SUGCT: variants seen among roughly 807,000 people sequenced by gnomAD.
The protein encoded by SUGCT is succinyl-CoA:glutarate CoA-transferase.
Under a neutral mutation model 55.0 loss-of-function variants are expected in SUGCT, and 41 were observed. That is an observed-to-expected ratio of 0.74 (90% CI 0.58 to 0.97). The LOEUF (loss-of-function observed/expected upper bound fraction) is 0.97, where lower values mean the gene tolerates loss of function less well. SUGCT is among the 50% of genes least tolerant of loss of function. The pLI, the probability that SUGCT is intolerant of heterozygous loss-of-function variation, is 0.00. For synonymous variants in SUGCT, 187 were observed against 200.4 expected (o/e 0.93, Z 0.56); for missense variants, 568 against 547.8 (o/e 1.04, Z -0.37).
At chr7:40,711,789 C>T (rs899505334) in intron 12 of SUGCT, among the ~76,000 whole-genome samples, 7 of 152,182 alleles carry the variant, frequency 4.6e-5, no homozygotes, top group Admixed American at 2.6e-4. Context: ...TAAAATGTTT[C>T]TGTGTATCTT....
At chr7:40,168,628 A>G (rs1784531667) in intron 1 of SUGCT, among the ~76,000 whole-genome samples, 1 of 152,230 alleles carries the variant, frequency 6.6e-6, no homozygotes, top group African/African-American at 2.4e-5. Context: ...GGTCCAGTAA[A>G]TAATGATTTG....
At chr7:40,238,367 T>C (rs1315166313) in intron 7 of SUGCT, among the ~76,000 whole-genome samples, 3 of 151,870 alleles carry the variant, frequency 2.0e-5, no homozygotes, top group Non-Finnish European at 2.9e-5. Flanking sequence ...ATGGCCAAAA[T>C]GTGGTTGGTT....
rs113333494 is a variant in SUGCT at position 40,350,501 on chromosome 7, T to C, written c.816+33646T>C. ...GCTAATTTTTTTTTTTTTTCTTCTT[T>C]TTTTTTCTTAGTAGAGTCAGGGTTT... On this transcript the variant is annotated intron_variant, in intron 9 of 13. Coordinates refer to ENST00000335693, the MANE Select transcript of SUGCT (RefSeq NM_001193313.2). Among the ~76,000 whole-genome samples the C allele has an allele frequency of 8.3e-3, 1,258 of 151,286 alleles. 16 individuals carry two copies. Among genetic ancestry groups the C allele is most frequent in the African/African-American group, 0.029 (1,196 of 41,248 alleles).
chr7:40,436,146 TTGGCCAGGC>T (rs886211000), intron 9 of SUGCT, among the ~76,000 whole-genome samples: 6 of 152,030 alleles, frequency 3.9e-5, no homozygotes, highest in African/African-American at 1.4e-4. Context: ...TTTCGTCATG[TTGGCCAGGC>T]TGGTCTCAAA....
chr7:40,344,244 T>G (rs2151183760), intron 9 of SUGCT, among the ~76,000 whole-genome samples: 1 of 152,334 alleles, frequency 6.6e-6, no homozygotes, highest in South Asian at 2.1e-4. Context: ...ATTAGTATGT[T>G]TATTTTATCG....
intron 9 of SUGCT, among the ~76,000 whole-genome samples, chr7:40,365,685 A>G (rs984398880): frequency 2.0e-5 from 3 of 151,956 alleles, no homozygotes; most frequent in African/African-American, 4.8e-5. Flanking sequence ...AGAATAAAAT[A>G]CCTAGGAATC....
intron 12 of SUGCT, among the ~76,000 whole-genome samples, chr7:40,498,818 G>C (rs1792124303): frequency 6.6e-6 from 1 of 152,164 alleles, no homozygotes; most frequent in African/African-American, 2.4e-5. Flanking sequence ...CCTTTGTGTA[G>C]TGGATAGAGG....
chr7:40,563,115 C>G (rs1172595756), intron 12 of SUGCT, among the ~76,000 whole-genome samples: 1 of 152,180 alleles, frequency 6.6e-6, no homozygotes, highest in African/African-American at 2.4e-5. Flanking sequence ...GCTCTATGTC[C>G]CGTCCTCCTC....
At chr7:40,634,150 T>TA (rs1270499242) in intron 12 of SUGCT, among the ~76,000 whole-genome samples, 1 of 151,880 alleles carries the variant, frequency 6.6e-6, no homozygotes, top group Non-Finnish European at 1.5e-5. Context: ...AAAAAACACT[T>TA]AAAAAATAGA....
chr7:40,443,330 G>A (rs945804141), intron 9 of SUGCT, among the ~76,000 whole-genome samples: 8 of 152,128 alleles, frequency 5.3e-5, no homozygotes, highest in African/African-American at 1.9e-4. Context: ...CTAGTTTACA[G>A]TCCCACCAAC....
chr7:40,687,874 G>A (rs1226910783), intron 12 of SUGCT, among the ~76,000 whole-genome samples: 1 of 152,204 alleles, frequency 6.6e-6, no homozygotes, highest in Non-Finnish European at 1.5e-5. Flanking sequence ...CAAGCTTGAA[G>A]CAGAGAGGCG....
In SUGCT at chr7:40,278,490, G is replaced by A. The variant is rs906146863; in HGVS notation, c.720+3834G>A. Among the ~76,000 whole-genome samples, 8 of 152,092 alleles carry A rather than the reference G, an allele frequency of 5.3e-5. No homozygotes were observed. The South Asian group carries it at 8.3e-4, about 16-fold the overall frequency. ...ACACATGCACACATATGTTTATTGC[G>A]ATACTATTCACAATAGCAGATAATT... On this transcript the variant is annotated intron_variant, in intron 8 of 13. Transcript: ENST00000335693.
At chr7:40,992,697 G>A in the SUGCT span, among the ~76,000 whole-genome samples, 1 of 152,106 alleles carries the variant, frequency 6.6e-6, no homozygotes, top group Non-Finnish European at 1.5e-5. Context: ...GAAGAGATTT[G>A]GCTTTGGAGT....
chr7:40,599,950 T>TTGTGAGGAGGCTGCACCAGGTCACA (rs1296924036), intron 12 of SUGCT, among the ~76,000 whole-genome samples: 48 of 152,166 alleles, frequency 3.2e-4, no homozygotes, highest in African/African-American at 1.1e-3. Context: ...GCGTTTCTCA[T>TTGTGAGGAGGCTGCACCAGGTCACA]TGTGAGGAGG....
At chr7:40,824,208 CA>C (rs35953725) in intron 13 of SUGCT, among the ~76,000 whole-genome samples, 32 of 140,936 alleles carry the variant, frequency 2.3e-4, no homozygotes, top group Admixed American at 4.3e-4. Context: ...ATTCCTTGCT[CA>C]AAAAAAAAAA....
At chr7:40,940,308 A>G in the SUGCT span, among the ~76,000 whole-genome samples, 17 of 152,026 alleles carry the variant, frequency 1.1e-4, no homozygotes, top group Non-Finnish European at 5.9e-5. Flanking sequence ...AAGTTCAGTA[A>G]TGTGACACCT....
At chr7:40,250,227 A>G (rs916162246) in intron 7 of SUGCT, among the ~76,000 whole-genome samples, 21 of 151,908 alleles carry the variant, frequency 1.4e-4, no homozygotes, top group Non-Finnish European at 2.2e-4. Flanking sequence ...GCGAAACCCC[A>G]TGACTACAAA....
chr7:40,147,748 C>T (rs372744483), intron 1 of SUGCT, among the ~76,000 whole-genome samples: 48 of 152,326 alleles, frequency 3.2e-4, no homozygotes, highest in African/African-American at 1.0e-3. Context: ...CACAAGGGGG[C>T]GGGGCGGACC....
At chr7:40,368,499 T>C (rs1215560660) in intron 9 of SUGCT, among the ~76,000 whole-genome samples, 1 of 151,974 alleles carries the variant, frequency 6.6e-6, no homozygotes, top group Non-Finnish European at 1.5e-5. Flanking sequence ...ACCCGGACTA[T>C]TGTTCATTAT....
Sources: gnomAD v4.1 joint callset for allele counts (sites outside exome capture counted in the v4.1 genomes callset) on GRCh38, gnomAD v4.1.1 for gene constraint, MANE v1.5 for transcripts, NCBI Gene and HGNC (gene_info 2026-07-23, HGNC 2026-07-21) for gene names.